TAF1L: variants seen among roughly 807,000 people sequenced by gnomAD.
The protein encoded by TAF1L is TATA-box binding protein associated factor 1 like, also known as transcription initiation factor TFIID subunit 1-like.
TAF1L carries 30 observed loss-of-function variants against 128.8 expected under a neutral mutation model. The observed-to-expected ratio is 0.23, with a 90% CI of 0.17 to 0.32. The LOEUF (loss-of-function observed/expected upper bound fraction) is 0.32, where lower values mean the gene tolerates loss of function less well. Among genes scored for constraint, TAF1L ranks in the 10% least tolerant of loss-of-function variants. The pLI is 1.00. For missense variants in TAF1L, 2,099 were observed against 2,253.7 expected (o/e 0.93, Z 1.39); for synonymous variants, 764 against 790.7 (o/e 0.97, Z 0.57).
At position 32,630,116 on chromosome 9, in the gene TAF1L, C is replaced by T; in HGVS notation, c.5464G>A (p.Asp1822Asn). 1 of 1,614,144 alleles carries T rather than the reference C, an allele frequency of 6.2e-7. No homozygotes were observed. Among genetic ancestry groups the T allele is most frequent in the Non-Finnish European group, 8.5e-7 (1 of 1,180,020 alleles). The stretch of plus-strand genomic sequence containing the variant: ...TGCTTTCTTCATTTTCCGTGCCCAT[C>T]CTTGTGTTCTCCTGAAGCATGCTGA... The part of the protein sequence containing the change: ...MLQHASGEHK[D>N]GHGK The change falls in exon 1 of 1, where the codon GAT becomes AAT. Residue 1822 changes from aspartate to asparagine, a missense_variant. By Grantham distance (23) the Asp-to-Asn change is conservative. This residue lies in a region of TAF1L where 404 missense variants were observed against 406.5 expected (regional missense o/e 0.99). Coordinates refer to ENST00000242310, the MANE Select transcript of TAF1L (RefSeq NM_153809.2).
At position 32,633,590 on chromosome 9, in the gene TAF1L, T is replaced by C. The variant is rs1440548579; in HGVS notation, c.1990A>G (p.Lys664Glu). ...TCTTGTTCTCTCATCTTGGCCTTTTTTTTGATGTGCTTTAGCAAAGGTTGG... is the reference window on the plus strand; with the variant it reads ...TCTTGTTCTCTCATCTTGGCCTTTTCTTTGATGTGCTTTAGCAAAGGTTGG... ...SVQPLLKHIK[K>E]KAKMREQERQ... Residue 664 changes from lysine to glutamate, a missense_variant, in exon 1 of 1, where the codon AAA becomes GAA. Coordinates refer to ENST00000242310, the MANE Select transcript of TAF1L (RefSeq NM_153809.2). 1.3e-5 allele frequency: 21 copies of C among 1,614,068 alleles called. No individual in the cohort carries two copies. Among genetic ancestry groups the C allele is most frequent in the Non-Finnish European group, 1.8e-5 (21 of 1,180,040 alleles).
At position 32,630,355 on chromosome 9, in the gene TAF1L, C is replaced by T; in HGVS notation, c.5225G>A (p.Gly1742Asp). ...PKPPAPEGGD[G>D]DLADEEEGTV... ...TCCTTCCTCTTCATCTGCAAGATCA[C>T]CATCTCCCCCTTCTGGGGCTGGAGG... is the stretch of plus-strand genomic sequence containing the variant. Residue 1742 changes from glycine (G) to aspartate (D), a missense_variant, in exon 1 of 1, where the codon GGT (glycine) becomes GAT (aspartate). Coordinates refer to ENST00000242310, the MANE Select transcript of TAF1L (RefSeq NM_153809.2). 1 of 1,614,212 alleles carries T rather than the reference C, an allele frequency of 6.2e-7. No individual in the cohort carries two copies. Among genetic ancestry groups the T allele is most frequent in the Non-Finnish European group, 8.5e-7 (1 of 1,180,034 alleles).
At position 32,632,279 on chromosome 9, in the gene TAF1L, C is replaced by A; in HGVS notation, c.3301G>T (p.Val1101Phe). 6.2e-7 allele frequency: 1 copy of A among 1,614,200 alleles called. No homozygotes were observed. Among genetic ancestry groups the A allele is most frequent in the African/African-American group, 1.3e-5 (1 of 75,044 alleles). The change falls in exon 1 of 1, where the codon GTC (valine) becomes TTC (phenylalanine). Residue 1101 changes from valine (V) to phenylalanine (F), a missense_variant. Physicochemically the swap from Val to Phe is conservative, Grantham distance 50. This residue lies in a region of TAF1L where 1,213 missense variants were observed against 1,391.4 expected (regional missense o/e 0.87). Transcript: ENST00000242310. The surrounding 1 kb of genome is among the most constrained non-coding windows in gnomAD (Gnocchi z 4.4). ...ATGCTGTCTGTGTCAGTTGATAAGA[C>A]CTCAGTTGATGACAGAACCTTGTTC... is the stretch of plus-strand genomic sequence containing the variant. ...LQNKVLSSTE[V>F]LSTDTDSISA...
Position 32,633,611 on chromosome 9 carries a change from G to A in TAF1L, c.1969C>T (p.Pro657Ser). ...LSQPGPHSVQ[P>S]LLKHIKKKAK... The stretch of plus-strand genomic sequence containing the variant: ...TTTTTTTTGATGTGCTTTAGCAAAG[G>A]TTGGACTGAATGGGGACCTGGCTGA... Residue 657 changes from proline (P) to serine (S), a missense_variant, in exon 1 of 1, where the codon CCT becomes TCT. Physicochemically the swap from Pro to Ser is moderately conservative, Grantham distance 74. Around this residue, in one of 4 missense-constraint regions of TAF1L, gnomAD observed 1,213 missense variants for 1,391.4 expected, o/e 0.87. Coordinates refer to ENST00000242310, the MANE Select transcript of TAF1L (RefSeq NM_153809.2). 1.2e-6 allele frequency: 2 copies of A among 1,614,104 alleles called. No homozygotes were observed. The highest frequency in any genetic ancestry group is 1.7e-6 in the Non-Finnish European group (2 of 1,180,024).
At position 32,634,597 on chromosome 9, in the gene TAF1L, T is replaced by C. The variant is rs751081950; in HGVS notation, c.983A>G (p.Asp328Gly). ...CACAGGAACCATCATCGTGATTTCA[T>C]CATCAGCGAGACACTGCTCTGGGGG... is the stretch of plus-strand genomic sequence containing the variant. ...PPPPEQCLADDEITMMVPVES... is the reference protein window; with the variant it reads ...PPPPEQCLADGEITMMVPVES... Residue 328 changes from aspartate to glycine, a missense_variant, in exon 1 of 1, where the codon GAT (aspartate) becomes GGT (glycine). Asp to Gly is a moderately conservative substitution (Grantham distance 94). This residue lies in a region of TAF1L where 473 missense variants were observed against 429.6 expected (regional missense o/e 1.10). Coordinates refer to ENST00000242310, the MANE Select transcript of TAF1L (RefSeq NM_153809.2). The C allele has an allele frequency of 6.2e-7, 1 of 1,614,214 alleles. No individual in the cohort carries two copies. The highest frequency in any genetic ancestry group is 1.1e-5 in the South Asian group (1 of 91,084).
In TAF1L at chr9:32,630,492, G is replaced by A. The variant is rs1360919810; in HGVS notation, c.5088C>T (p.Ser1696=). The A allele has an allele frequency of 6.8e-6, 11 of 1,614,116 alleles. No homozygotes were observed. The highest frequency in any genetic ancestry group is 1.3e-5 in the African/African-American group (1 of 75,026). Residue 1696 remains serine (S), a synonymous_variant, in exon 1 of 1, where the codon TCC becomes TCT. Coordinates refer to ENST00000242310, the MANE Select transcript of TAF1L (RefSeq NM_153809.2). ...DESNLSVLDI[S]TATPEKQMCQ... ...ACATCTGTTTTTCTGGAGTGGCAGT[G>A]GAAATATCCAAGACAGACAAATTGC... is the stretch of plus-strand genomic sequence containing the variant.
Position 32,634,022 on chromosome 9 carries a change from C to T in TAF1L, c.1558G>A (p.Ala520Thr). ...MPRLLEPPVLALDPNDENLIL... is the reference protein window; with the variant it reads ...MPRLLEPPVLTLDPNDENLIL... ...AGGTTCTCATCATTGGGATCAAGTG[C>T]CAAAACAGGAGGTTCCAACAGCCGG... Residue 520 changes from alanine to threonine, a missense_variant, in exon 1 of 1, where the codon GCA (alanine) becomes ACA (threonine). This residue lies in a region of TAF1L where 1,213 missense variants were observed against 1,391.4 expected (regional missense o/e 0.87). Transcript: ENST00000242310. 6.2e-7 allele frequency: 1 copy of T among 1,614,148 alleles called. No individual in the cohort carries two copies. The highest frequency in any genetic ancestry group is 8.5e-7 in the Non-Finnish European group (1 of 1,180,032).
In TAF1L at chr9:32,629,892, G is replaced by A; in HGVS notation, c.*207C>T. The A allele has an allele frequency of 1.0e-6, 1 of 956,518 alleles. No homozygotes were observed. The highest frequency in any genetic ancestry group is 1.7e-5 in the South Asian group (1 of 57,540). The allele number at this position is 956,518 out of a possible 1,614,324, so 59.3% of individuals were successfully genotyped here. A position where few individuals can be genotyped will look rare whatever the true frequency, so the allele number is the denominator to read the frequency against. On this transcript the variant is annotated 3_prime_UTR_variant, in exon 1 of 1. Coordinates refer to ENST00000242310, the MANE Select transcript of TAF1L (RefSeq NM_153809.2). ...CAAGCTGGTCTCGAACTGACCTCAG[G>A]TGATCCACCCGCCTCGGCCTCCCAG... is the stretch of plus-strand genomic sequence containing the variant.
chr9:32,635,167 T>C lies in TAF1L; in HGVS notation c.413A>G (p.Tyr138Cys). 1 of 1,614,190 alleles carries C rather than the reference T, an allele frequency of 6.2e-7. No homozygotes were observed. Among genetic ancestry groups the C allele is most frequent in the Non-Finnish European group, 8.5e-7 (1 of 1,180,030 alleles). The change falls in exon 1 of 1, where the codon TAT becomes TGT. Residue 138 changes from tyrosine (Y) to cysteine (C), a missense_variant. Physicochemically the swap from Tyr to Cys is radical, Grantham distance 194. Transcript: ENST00000242310. ...GSLQPLYHSD[Y>C]DEDDYDADCE... ...ATCAGCATCATAGTCATCTTCATCA[T>C]AATCCGAGTGGTAAAGGGGCTGCAA...
chr9:32,634,221 T>G lies in TAF1L; in HGVS notation c.1359A>C (p.Ala453=). The G allele has an allele frequency of 6.2e-7, 1 of 1,614,214 alleles. No homozygotes were observed. Among genetic ancestry groups the G allele is most frequent in the Non-Finnish European group, 8.5e-7 (1 of 1,180,034 alleles). The change falls in exon 1 of 1, where the codon GCA becomes GCC. Residue 453 remains alanine (A), a synonymous_variant. Transcript: ENST00000242310. Reference sequence around the variant, plus strand: ...TAGTCTTAATAGAAGGAAGCCAGCCTGCCAGGCTTGCACCCTGAGGTTTTG... The same window carrying G: ...TAGTCTTAATAGAAGGAAGCCAGCCGGCCAGGCTTGCACCCTGAGGTTTTG... The part of the protein sequence containing the change: ...KGTKPQGASL[A]GWLPSIKTRN...
chr9:32,631,919 C>A lies in TAF1L; in HGVS notation c.3661G>T (p.Asp1221Tyr), dbSNP rs760113023. 1 of 1,614,202 alleles carries A rather than the reference C, an allele frequency of 6.2e-7. No homozygotes were observed. The highest frequency in any genetic ancestry group is 1.3e-5 in the African/African-American group (1 of 75,052). ...DAYVRIRTTKDEKFIQKFALF... is the reference protein window; with the variant it reads ...DAYVRIRTTKYEKFIQKFALF... ...GCAAATTTTTGAATGAATTTCTCAT[C>A]TTTTGTAGTCCGTATGCGCACATAG... is the stretch of plus-strand genomic sequence containing the variant. Residue 1221 changes from aspartate (D) to tyrosine (Y), a missense_variant, in exon 1 of 1, where the codon GAT becomes TAT. Asp to Tyr is a radical substitution (Grantham distance 160). Transcript: ENST00000242310. The surrounding 1 kb of genome is among the most constrained non-coding windows in gnomAD (Gnocchi z 4.1).
chr9:32,634,983 T>C lies in TAF1L; in HGVS notation c.597A>G (p.Lys199=). ...IIAPSFLASE[K]VDFSSYSDSE... ...AATCAGAGTAACTACTGAAATCCAC[T>C]TTCTCTGAGGCCAAAAAGGAAGGGG... is the stretch of plus-strand genomic sequence containing the variant. The change falls in exon 1 of 1, where the codon AAA becomes AAG. Residue 199 remains lysine (K), a synonymous_variant. Transcript: ENST00000242310. 2 of 1,614,116 alleles carry C rather than the reference T, an allele frequency of 1.2e-6. No individual in the cohort carries two copies. Among genetic ancestry groups the C allele is most frequent in the Non-Finnish European group, 1.7e-6 (2 of 1,180,020 alleles).
At position 32,630,975 on chromosome 9, in the gene TAF1L, G is replaced by A; in HGVS notation, c.4605C>T (p.Thr1535=). ...AATCTGGAACTGCCATCATTTTCTG[G>A]GTGACAATGTTGTCCAGAATGAAAG... ...AFSFILDNIV[T]QKMMAVPDSW... is the part of the protein sequence containing the mutation. The change falls in exon 1 of 1, where the codon ACC becomes ACT. Residue 1535 remains threonine, a synonymous_variant. Transcript: ENST00000242310. The A allele has an allele frequency of 6.2e-7, 1 of 1,614,122 alleles. No homozygotes were observed. The highest frequency in any genetic ancestry group is 8.5e-7 in the Non-Finnish European group (1 of 1,180,030).
Position 32,633,551 on chromosome 9 carries a change from C to T in TAF1L, c.2029G>A (p.Gly677Ser), listed in dbSNP as rs759517503. The change falls in exon 1 of 1, where the codon GGT (glycine) becomes AGT (serine). Residue 677 changes from glycine to serine, a missense_variant. Gly to Ser is a moderately conservative substitution (Grantham distance 56). Around this residue, in one of 4 missense-constraint regions of TAF1L, gnomAD observed 1,213 missense variants for 1,391.4 expected, o/e 0.87. Transcript: ENST00000242310. ...CGCATAAAAAACAACTCTCCACCAC[C>T]TGAGGCTTGCCTCTCTTGTTCTCTC... ...KMREQERQASGGGELFFMRTP... is the reference protein window; with the variant it reads ...KMREQERQASSGGELFFMRTP... 1 of 1,614,222 alleles carries T rather than the reference C, an allele frequency of 6.2e-7. No homozygotes were observed. The highest frequency in any genetic ancestry group is 8.5e-7 in the Non-Finnish European group (1 of 1,180,050).
rs755025137 is a variant in TAF1L at position 32,635,155 on chromosome 9, T to G, written c.425A>C (p.Asp142Ala). The G allele has an allele frequency of 2.2e-5, 36 of 1,614,022 alleles. No homozygotes were observed. Among genetic ancestry groups the G allele is most frequent in the Non-Finnish European group, 2.9e-5 (34 of 1,180,032 alleles). Residue 142 changes from aspartate (D) to alanine (A), a missense_variant, in exon 1 of 1, where the codon GAC (aspartate) becomes GCC (alanine). By Grantham distance (126) the Asp-to-Ala change is moderately radical. This residue lies in a region of TAF1L where 473 missense variants were observed against 429.6 expected (regional missense o/e 1.10). Coordinates refer to ENST00000242310, the MANE Select transcript of TAF1L (RefSeq NM_153809.2). The part of the protein sequence containing the change: ...PLYHSDYDED[D>A]YDADCEDIDC... ...AATGTCTTCACAATCAGCATCATAG[T>G]CATCTTCATCATAATCCGAGTGGTA...
In TAF1L at chr9:32,631,290, T is replaced by C. The variant is rs752698136; in HGVS notation, c.4290A>G (p.Ala1430=). 4.3e-6 allele frequency: 7 copies of C among 1,614,186 alleles called. No homozygotes were observed. The highest frequency in any genetic ancestry group is 1.7e-5 in the Admixed American group (1 of 60,026). The change falls in exon 1 of 1, where the codon GCA becomes GCG. Residue 1430 remains alanine, a synonymous_variant. Coordinates refer to ENST00000242310, the MANE Select transcript of TAF1L (RefSeq NM_153809.2). The surrounding 1 kb of genome is among the most constrained non-coding windows in gnomAD (Gnocchi z 4.1). ...NTHPFHTPVN[A]KVVKDYYKII... The stretch of plus-strand genomic sequence containing the variant: ...TTTTGTAGTAGTCCTTTACAACCTT[T>C]GCATTGACTGGAGTGTGGAAAGGGT...
In TAF1L at chr9:32,635,037, T is replaced by C. The variant is rs56398106; in HGVS notation, c.543A>G (p.Gly181=). 1 of 1,614,080 alleles carries C rather than the reference T, an allele frequency of 6.2e-7. No homozygotes were observed. The highest frequency in any genetic ancestry group is 8.5e-7 in the Non-Finnish European group (1 of 1,180,020). Residue 181 remains glycine, a synonymous_variant, in exon 1 of 1, where the codon GGA becomes GGG. Transcript: ENST00000242310. ...QDAITCVSES[G]EDIILPSIIA... Reference sequence around the variant, plus strand: ...TGATGGAGGGCAAGATGATGTCTTCTCCACTTTCAGACACACAGGTAATAG... The same window carrying C: ...TGATGGAGGGCAAGATGATGTCTTCCCCACTTTCAGACACACAGGTAATAG...
Position 32,630,740 on chromosome 9 carries a change from C to T in TAF1L, c.4840G>A (p.Glu1614Lys), listed in dbSNP as rs774189159. 4 of 1,614,190 alleles carry T rather than the reference C, an allele frequency of 2.5e-6. No homozygotes were observed. Among genetic ancestry groups the T allele is most frequent in the Non-Finnish European group, 3.4e-6 (4 of 1,180,044 alleles). ...GTCTGGTAACAGATGTTCACAATCTCCTGAGCAGTCTTAGTGTACTGACTC... is the reference window on the plus strand; with the variant it reads ...GTCTGGTAACAGATGTTCACAATCTTCTGAGCAGTCTTAGTGTACTGACTC... ...PESQYTKTAQEIVNICYQTIT... is the reference protein window; with the variant it reads ...PESQYTKTAQKIVNICYQTIT... The change falls in exon 1 of 1, where the codon GAG (glutamate) becomes AAG (lysine). Residue 1614 changes from glutamate to lysine, a missense_variant. Around this residue, in one of 4 missense-constraint regions of TAF1L, gnomAD observed 404 missense variants for 406.5 expected, o/e 0.99. Transcript: ENST00000242310.
Position 32,631,564 on chromosome 9 carries a change from C to T in TAF1L, c.4016G>A (p.Gly1339Glu). 1 of 1,614,118 alleles carries T rather than the reference C, an allele frequency of 6.2e-7. No homozygotes were observed. Among genetic ancestry groups the T allele is most frequent in the Non-Finnish European group, 8.5e-7 (1 of 1,180,020 alleles). ...CTGTTTCCCGAAGACAATTTTGGTC[C>T]CTTCAACCTTGATAAGTTCTTCATT... Reference protein sequence around the residue: ...NDNEELIKVEGTKIVFGKQLI... With the variant: ...NDNEELIKVEETKIVFGKQLI... The change falls in exon 1 of 1, where the codon GGG (glycine) becomes GAG (glutamate). Residue 1339 changes from glycine (G) to glutamate (E), a missense_variant. Transcript: ENST00000242310. The surrounding 1 kb of genome is among the most constrained non-coding windows in gnomAD (Gnocchi z 4.1).
Sources: gnomAD v4.1 joint callset for allele counts on GRCh38, gnomAD v4.1.1 for gene constraint, gnomAD v4.1.1 regional missense constraint, Gnocchi (gnomAD v3.1) non-coding constraint, MANE v1.5 for transcripts, NCBI Gene and HGNC (gene_info 2026-07-23, HGNC 2026-07-21) for gene names.